WDR33: variants seen among roughly 807,000 people sequenced by gnomAD.
The protein encoded by WDR33 is pre-mRNA 3' end processing protein WDR33.
In WDR33, 47 loss-of-function variants were observed where a neutral mutation model predicts 164.9. The observed-to-expected ratio is 0.29, with a 90% CI of 0.23 to 0.36. The LOEUF is 0.36. WDR33 is among the 10% of genes least tolerant of loss of function. The pLI is 1.00. For missense variants in WDR33, 1,137 were observed against 1,754.1 expected, an observed-to-expected ratio of 0.65 and a Z score of 6.28; for synonymous variants, 505 against 589.0, an observed-to-expected ratio of 0.86 and a Z score of 2.06.
chr2:127,737,713 T>G (rs1686890410), intron 7 of WDR33: 1 of 1,130,998 alleles, frequency 8.8e-7, no homozygotes, highest in African/African-American at 1.6e-5. Flanking sequence ...AAAAGATGTT[T>G]CAAATGATTC....
At position 127,741,439 on chromosome 2, in the gene WDR33, G is replaced by A. The variant is rs1299691255; in HGVS notation, c.725-14662C>T. On this transcript the variant is annotated intron_variant, in intron 7 of 21. Coordinates refer to ENST00000322313, the MANE Select transcript of WDR33 (RefSeq NM_018383.5). The surrounding 1 kb of genome is among the most constrained non-coding windows in gnomAD (Gnocchi z 4.1). ...CACAACCCACTTACTTGATAAATGT[G>A]GCAGTGGCCTGTGCTTCTCCACTCA... Among the ~76,000 whole-genome samples the A allele has an allele frequency of 1.3e-5, 2 of 152,186 alleles. No homozygotes were observed. The highest frequency in any genetic ancestry group is 2.9e-5 in the Non-Finnish European group (2 of 68,032).
Position 127,710,539 on chromosome 2 carries a change from G to A in WDR33, c.3309-683C>T, listed in dbSNP as rs531898219. 2.6e-5 allele frequency among the ~76,000 whole-genome samples: 4 copies of A among 152,276 alleles called. No individual in the cohort carries two copies. The highest frequency in any genetic ancestry group is 4.4e-5 in the Non-Finnish European group (3 of 68,008). On this transcript the variant is annotated intron_variant, in intron 18 of 21. Transcript: ENST00000322313. This position sits in a 1 kb window ranked among gnomAD's most constrained non-coding sequence, Gnocchi z 4.4. ...GGTCAGCATCTGGTTTACAGGCAGCGATCCACTGGCTAGCTGGCAGTCTGG... is the reference window on the plus strand; with the variant it reads ...GGTCAGCATCTGGTTTACAGGCAGCAATCCACTGGCTAGCTGGCAGTCTGG...
Position 127,706,586 on chromosome 2 carries a change from G to C in WDR33, c.3782-34C>G, listed in dbSNP as rs754304533. On this transcript the variant is annotated intron_variant, in intron 21 of 21. Coordinates refer to ENST00000322313, the MANE Select transcript of WDR33 (RefSeq NM_018383.5). The surrounding 1 kb of genome is among the most constrained non-coding windows in gnomAD (Gnocchi z 5.1). The stretch of plus-strand genomic sequence containing the variant: ...AAGAAAATTTCACATGGGACTTTTT[G>C]TATTAGCAACTGTTTGTCAGTAACT... 1 of 1,570,688 alleles carries C rather than the reference G, an allele frequency of 6.4e-7. No homozygotes were observed. The highest frequency in any genetic ancestry group is 8.7e-7 in the Non-Finnish European group (1 of 1,155,936).
chr2:127,714,713 T>C lies in WDR33; in HGVS notation c.2870-692A>G, dbSNP rs1686257952. ...AAGTTTTCTAAAATATGTGAAAATATGTACTGTAATGAAAGTACTGAATAA... is the reference window on the plus strand; with the variant it reads ...AAGTTTTCTAAAATATGTGAAAATACGTACTGTAATGAAAGTACTGAATAA... On this transcript the variant is annotated intron_variant, in intron 17 of 21. Coordinates refer to ENST00000322313, the MANE Select transcript of WDR33 (RefSeq NM_018383.5). This position sits in a 1 kb window ranked among gnomAD's most constrained non-coding sequence, Gnocchi z 4.3. Among the ~76,000 whole-genome samples, 1 of 152,236 alleles carries C rather than the reference T, an allele frequency of 6.6e-6. No individual in the cohort carries two copies. Among genetic ancestry groups the C allele is most frequent in the Admixed American group, 6.5e-5 (1 of 15,284 alleles).
intron 1 of WDR33, among the ~76,000 whole-genome samples, chr2:127,809,193 C>T (rs1689549395): frequency 6.6e-6 from 1 of 151,808 alleles, no homozygotes; most frequent in Non-Finnish European, 1.5e-5. Context: ...AATATTCCAC[C>T]GCAAAGTAAT....
rs1686298124 is a variant in WDR33 at position 127,716,276 on chromosome 2, A to G, written c.2869+879T>C. ...GACAAGGACTTTTCTTAATTGGATA[A>G]AACGGGGGCAAAAATCTTAACATGC... On this transcript the variant is annotated intron_variant, in intron 17 of 21. Coordinates refer to ENST00000322313, the MANE Select transcript of WDR33 (RefSeq NM_018383.5). The surrounding 1 kb of genome is among the most constrained non-coding windows in gnomAD (Gnocchi z 4.5). Among the ~76,000 whole-genome samples, 1 of 152,210 alleles carries G rather than the reference A, an allele frequency of 6.6e-6. No individual in the cohort carries two copies. Among genetic ancestry groups the G allele is most frequent in the Non-Finnish European group, 1.5e-5 (1 of 68,036 alleles).
At chr2:127,753,946 G>A (rs1452330936) in intron 7 of WDR33, among the ~76,000 whole-genome samples, 1 of 152,186 alleles carries the variant, frequency 6.6e-6, no homozygotes, top group Non-Finnish European at 1.5e-5. Context: ...TGGGAAAGGG[G>A]CATGAAGAAA....
chr2:127,769,024 A>AATAG (rs771234608), intron 2 of WDR33, 23 bp from the exon 3 acceptor site: 2 of 1,264,882 alleles, frequency 1.6e-6, no homozygotes, highest in Non-Finnish European at 2.1e-6. Context: ...TAAATAAATA[A>AATAG]ATAAATAAAT....
intron 1 of WDR33, among the ~76,000 whole-genome samples, chr2:127,799,372 A>C (rs1689154656): frequency 6.6e-6 from 1 of 152,182 alleles, no homozygotes; most frequent in African/African-American, 2.4e-5. Context: ...AAAGGGTAAA[A>C]ATTTCTGCAA....
Position 127,724,459 on chromosome 2 carries a change from A to G in WDR33, c.1086-16T>C. On this transcript the variant is annotated splice_polypyrimidine_tract_variant and intron_variant, in intron 10 of 21. Transcript: ENST00000322313. This position sits in a 1 kb window ranked among gnomAD's most constrained non-coding sequence, Gnocchi z 4.8. ...CTTCTCTACCCTGCAACAGCACCAA[A>G]GAGAGAAGATTTGTTCACAAAAGTT... is the stretch of plus-strand genomic sequence containing the variant. 2 of 1,607,020 alleles carry G rather than the reference A, an allele frequency of 1.2e-6. No homozygotes were observed. Among genetic ancestry groups the G allele is most frequent in the Non-Finnish European group, 1.7e-6 (2 of 1,174,500 alleles).
rs1686427240 is a variant in WDR33, at chr2:127,721,128, GAC to G, written c.1671+706_1671+707del. Among the ~76,000 whole-genome samples the G allele has an allele frequency of 6.6e-6, 1 of 152,114 alleles. No homozygotes were observed. Among genetic ancestry groups the G allele is most frequent in the African/African-American group, 2.4e-5 (1 of 41,508 alleles). ...TTTATGTTGTTGTTGTTGTTTTTGA[GAC>G]AGAGTCTCACTTTGTGGCACAGGCT... On this transcript the variant is annotated intron_variant, in intron 15 of 21. Coordinates refer to ENST00000322313, the MANE Select transcript of WDR33 (RefSeq NM_018383.5). The surrounding 1 kb of genome is among the most constrained non-coding windows in gnomAD (Gnocchi z 4.9).
intron 1 of WDR33, among the ~76,000 whole-genome samples, chr2:127,810,065 T>TATATACAC: frequency 6.6e-6 from 1 of 152,052 alleles, no homozygotes; most frequent in Non-Finnish European, 1.5e-5. Flanking sequence ...CACACACACA[T>TATATACAC]ATATACACAT....
At position 127,719,248 on chromosome 2, in the gene WDR33, T is replaced by C. The variant is rs1686366878; in HGVS notation, c.2760+17A>G. On this transcript the variant is annotated intron_variant, in intron 16 of 21. Coordinates refer to ENST00000322313, the MANE Select transcript of WDR33 (RefSeq NM_018383.5). This position sits in a 1 kb window ranked among gnomAD's most constrained non-coding sequence, Gnocchi z 6.5. The stretch of plus-strand genomic sequence containing the variant: ...TGTATTTTCCCAATGTGCCCGTGAG[T>C]TGGAAATGAATAATACCTGGTTGAA... 1.4e-6 allele frequency: 2 copies of C among 1,401,216 alleles called. No individual in the cohort carries two copies. The highest frequency in any genetic ancestry group is 1.4e-5 in the African/African-American group (1 of 69,092). The allele number at this position is 1,401,216 out of a possible 1,614,324, so 86.8% of individuals were successfully genotyped here.
chr2:127,724,249 C>CA lies in WDR33; in HGVS notation c.1196+83dup. ...TAAGTTGGAATATAAATTACTATAT[C>CA]AATCAACCAATAAAAATAAACACAT... is the stretch of plus-strand genomic sequence containing the variant. On this transcript the variant is annotated intron_variant, in intron 11 of 21. Coordinates refer to ENST00000322313, the MANE Select transcript of WDR33 (RefSeq NM_018383.5). This position sits in a 1 kb window ranked among gnomAD's most constrained non-coding sequence, Gnocchi z 4.8. 9.6e-7 allele frequency: 1 copy of CA among 1,039,038 alleles called. No individual in the cohort carries two copies. Among genetic ancestry groups the CA allele is most frequent in the African/African-American group, 1.6e-5 (1 of 61,694 alleles). 64.4% of individuals were successfully genotyped at this position (1,039,038 alleles called of 1,614,324 possible). A position where few individuals can be genotyped will look rare whatever the true frequency, so the allele number is the denominator to read the frequency against.
Position 127,726,540 on chromosome 2 carries a change from G to A in WDR33, c.851+111C>T. Reference sequence around the variant, plus strand: ...GTCTATAGATCCAAGTCCATCTGTTGCCTAAATGACTCTTCCAGAAATACA... The same window carrying A: ...GTCTATAGATCCAAGTCCATCTGTTACCTAAATGACTCTTCCAGAAATACA... On this transcript the variant is annotated intron_variant, in intron 8 of 21. Transcript: ENST00000322313. This position sits in a 1 kb window ranked among gnomAD's most constrained non-coding sequence, Gnocchi z 4.8. 7.2e-7 allele frequency: 1 copy of A among 1,396,822 alleles called. No individual in the cohort carries two copies. The highest frequency in any genetic ancestry group is 1.4e-5 in the South Asian group (1 of 69,722). 86.5% of individuals were successfully genotyped at this position (1,396,822 alleles called of 1,614,324 possible).
intron 7 of WDR33, chr2:127,736,581 C>A: frequency 2.0e-6 from 2 of 985,400 alleles, no homozygotes; most frequent in Non-Finnish European, 2.4e-6. Flanking sequence ...AAAATGGTTT[C>A]TATTGATTTG....
rs965829108 is a variant in WDR33 at position 127,702,034 on chromosome 2, C to G, written c.*4289G>C. On this transcript the variant is annotated 3_prime_UTR_variant, in exon 22 of 22. Coordinates refer to ENST00000322313, the MANE Select transcript of WDR33 (RefSeq NM_018383.5). The stretch of plus-strand genomic sequence containing the variant: ...CTGGGCCTTCGCAGCACGCTGCTCA[C>G]GGTGCTGGGCGCGGGCGCGCAGGTG... 7.3e-6 allele frequency: 9 copies of G among 1,239,436 alleles called. No homozygotes were observed. In the Admixed American group the frequency reaches 1.3e-4, roughly 18 times the overall value. 76.8% of individuals were successfully genotyped at this position (1,239,436 alleles called of 1,614,324 possible).
chr2:127,786,214 T>C (rs915663608), intron 1 of WDR33, among the ~76,000 whole-genome samples: 1 of 152,194 alleles, frequency 6.6e-6, no homozygotes, highest in Non-Finnish European at 1.5e-5. Context: ...GTTCTTTTTT[T>C]TGTAGAGACA....
chr2:127,795,671 A>G (rs950323058), intron 1 of WDR33, among the ~76,000 whole-genome samples: 1 of 151,620 alleles, frequency 6.6e-6, no homozygotes, highest in African/African-American at 2.4e-5. Flanking sequence ...AAAAAAAAAA[A>G]AACACCAAAA....
Sources: allele counts gnomAD v4.1 joint callset (sites outside exome capture counted in the v4.1 genomes callset), GRCh38; gene constraint gnomAD v4.1.1; non-coding constraint Gnocchi (gnomAD v3.1); transcripts MANE v1.5; gene names NCBI Gene and HGNC (gene_info 2026-07-23, HGNC 2026-07-21).